The following AK1 variants were observed in gnomAD, a reference collection of about 807,000 sequenced individuals.
The protein encoded by AK1 is adenylate kinase 1.
A neutral mutation model predicts 23.9 loss-of-function variants in AK1; 13 were observed. The observed-to-expected ratio is 0.54, with a 90% confidence interval of 0.35 to 0.86. The LOEUF is 0.86. Ranked by LOEUF, AK1 falls within the 40% of genes least tolerant of loss-of-function variation. The pLI, the probability that AK1 is intolerant of heterozygous loss-of-function variation, is 0.01. For missense variants in AK1, 214 were observed against 255.1 expected, an observed-to-expected ratio of 0.84 and a Z score of 1.10; for synonymous variants, 97 against 102.8, an observed-to-expected ratio of 0.94 and a Z score of 0.34.
rs957418060 is a variant in AK1 at position 127,873,154 on chromosome 9, G to A, written c.8-93C>T. ...GTCCCAGGCCTGTGCTGGGCCCCAG[G>A]CGGAGGGACAGACACCGCTGGCGCT... On this transcript the variant is annotated intron_variant, in intron 2 of 6. Transcript: ENST00000644144. The A allele has an allele frequency of 3.2e-6, 5 of 1,560,870 alleles. No individual in the cohort carries two copies. The African/African-American group carries it at 4.1e-5, about 13-fold the overall frequency.
rs1353203705 is a variant in AK1 at position 127,867,768 on chromosome 9, C to T, written c.*240G>A. The stretch of plus-strand genomic sequence containing the variant: ...GAACGGAGGGTTGAGGGGCTGGGGA[C>T]TTGCGGCCAGGTAGGCACAAGCACA... On this transcript the variant is annotated 3_prime_UTR_variant, in exon 7 of 7. Coordinates refer to ENST00000644144, the MANE Select transcript of AK1 (RefSeq NM_000476.3). The T allele has an allele frequency of 3.5e-5, 18 of 508,348 alleles. No individual in the cohort carries two copies. Among genetic ancestry groups the T allele is most frequent in the Non-Finnish European group, 6.5e-5 (18 of 278,854 alleles). The allele number at this position is 508,348 out of a possible 1,614,324, so 31.5% of individuals were successfully genotyped here.
At position 127,872,670 on chromosome 9, in the gene AK1, C is replaced by A; in HGVS notation, c.207+20G>T. The A allele has an allele frequency of 1.2e-6, 2 of 1,613,724 alleles. No individual in the cohort carries two copies. Among genetic ancestry groups the A allele is most frequent in the South Asian group, 2.2e-5 (2 of 91,068 alleles). On this transcript the variant is annotated intron_variant, in intron 4 of 6. Transcript: ENST00000644144. ...GGCTACTGTCATCCCCTGCCTCTCA[C>A]CCCACCAGGGCCCACTCACCAGTGG...
Position 127,868,460 on chromosome 9 carries a change from G to T in AK1, c.377C>A (p.Thr126Asn), listed in dbSNP as rs1166477539. ...LYVDAGPETM[T>N]QRLLKRGETS... ...CTCTCCACGTTTCAAGAGCCGCTGG[G>T]TCATGGTCTCAGGGCCTGCGTCCAC... Residue 126 changes from threonine to asparagine, a missense_variant, in exon 6 of 7, where the codon ACC (threonine) becomes AAC (asparagine). Transcript: ENST00000644144. This position sits in a 1 kb window ranked among gnomAD's most constrained non-coding sequence, Gnocchi z 4.1. The T allele has an allele frequency of 1.9e-6, 3 of 1,607,864 alleles. No individual in the cohort carries two copies. Among genetic ancestry groups the T allele is most frequent in the Non-Finnish European group, 2.5e-6 (3 of 1,177,236 alleles).
At chr9:127,873,089 T>G in intron 2 of AK1, 28 bp from the exon 3 acceptor site, 1 of 1,610,248 alleles carries the variant, frequency 6.2e-7, no homozygotes, top group South Asian at 1.1e-5. Flanking sequence ...GGAGCAGGGC[T>G]CAGTCACTCG....
In AK1 at chr9:127,871,497, G is replaced by A. The variant is rs1434865904; in HGVS notation, c.324+326C>T. On this transcript the variant is annotated intron_variant, in intron 5 of 6. Transcript: ENST00000644144. This position sits in a 1 kb window ranked among gnomAD's most constrained non-coding sequence, Gnocchi z 4.4. ...AGTCCCCACACTGTCCCTTAAGGCAGCTGTGACCTGGTCCTCCCACTCCCT... is the reference window on the plus strand; with the variant it reads ...AGTCCCCACACTGTCCCTTAAGGCAACTGTGACCTGGTCCTCCCACTCCCT... Among the ~76,000 whole-genome samples the A allele has an allele frequency of 1.3e-5, 2 of 151,490 alleles. No individual in the cohort carries two copies. The highest frequency in any genetic ancestry group is 2.9e-5 in the Non-Finnish European group (2 of 68,018).
At chr9:127,872,642 C>G (rs1025786060) in intron 4 of AK1, 48 bp downstream of exon 4, 1 of 1,611,408 alleles carries the variant, frequency 6.2e-7, no homozygotes, top group Non-Finnish European at 8.5e-7. Flanking sequence ...GACACCCACT[C>G]AGGGCTACTG....
Position 127,874,228 on chromosome 9 carries a change from T to C in AK1, c.7+383A>G, listed in dbSNP as rs957753337. On this transcript the variant is annotated intron_variant, in intron 2 of 6. Transcript: ENST00000644144. ...GGAACTAGGAGGGTCCAAGACTTCCTCAAGGCCCACCCTCACTGGATGATA... is the reference window on the plus strand; with the variant it reads ...GGAACTAGGAGGGTCCAAGACTTCCCCAAGGCCCACCCTCACTGGATGATA... The C allele has an allele frequency of 6.1e-6, 6 of 985,226 alleles. No homozygotes were observed. The Admixed American group carries it at 3.7e-4, about 61-fold the overall frequency. 61.0% of individuals were successfully genotyped at this position (985,226 alleles called of 1,614,324 possible). A position where few individuals can be genotyped will look rare whatever the true frequency, so the allele number is the denominator to read the frequency against.
intron 1 of AK1, 46 bp from the exon 2 acceptor site, chr9:127,874,695 C>G: frequency 6.3e-7 from 1 of 1,586,742 alleles, no homozygotes; most frequent in Non-Finnish European, 8.6e-7. Context: ...CCTCCTCACC[C>G]TGACTCACCT....
In AK1 at chr9:127,867,006, T is replaced by A. The variant is rs1422285120; in HGVS notation, c.*1002A>T. ...TGACCATGACTCCCCCAATTCAATT[T>A]CTTTTTTTTTTTTTTTTTTTTTGAG... is the stretch of plus-strand genomic sequence containing the variant. On this transcript the variant is annotated 3_prime_UTR_variant, in exon 7 of 7. Transcript: ENST00000644144. The A allele has an allele frequency of 2.1e-5, 3 of 146,246 alleles. No individual in the cohort carries two copies. 9.1% of individuals were successfully genotyped at this position (146,246 alleles called of 1,614,324 possible). A position where few individuals can be genotyped will look rare whatever the true frequency, so the allele number is the denominator to read the frequency against.
At chr9:127,874,127 G>A in intron 2 of AK1, 7 of 985,448 alleles carry the variant, frequency 7.1e-6, no homozygotes, top group Non-Finnish European at 8.4e-6. Context: ...TGGACGGATG[G>A]TGCTGCCAGC....
rs528625598 is a variant in AK1, at chr9:127,867,597, G to A, written c.*411C>T. On this transcript the variant is annotated 3_prime_UTR_variant, in exon 7 of 7. Coordinates refer to ENST00000644144, the MANE Select transcript of AK1 (RefSeq NM_000476.3). ...ATGCAGAGGAGCCCAGGCTGGGACC[G>A]GTTCTGCCTGAACATGAGCCCCTCG... The A allele has an allele frequency of 1.5e-4, 40 of 263,848 alleles. No homozygotes were observed. Among genetic ancestry groups the A allele is most frequent in the Non-Finnish European group, 2.8e-4 (38 of 133,814 alleles). The allele number at this position is 263,848 out of a possible 1,614,324, so 16.3% of individuals were successfully genotyped here.
chr9:127,868,450 G>C lies in AK1; in HGVS notation c.387C>G (p.Leu129=), dbSNP rs1250521819. 1 of 1,609,606 alleles carries C rather than the reference G, an allele frequency of 6.2e-7. No individual in the cohort carries two copies. The highest frequency in any genetic ancestry group is 2.2e-5 in the East Asian group (1 of 44,772). The change falls in exon 6 of 7, where the codon CTC becomes CTG. Residue 129 remains leucine (L), a synonymous_variant. Transcript: ENST00000644144. The surrounding 1 kb of genome is among the most constrained non-coding windows in gnomAD (Gnocchi z 4.1). ...GCCCGCTGGTCTCTCCACGTTTCAA[G>C]AGCCGCTGGGTCATGGTCTCAGGGC... ...DAGPETMTQR[L]LKRGETSGRV...
chr9:127,873,250 G>C, intron 2 of AK1, 189 bp from the exon 3 acceptor site: 2 of 1,535,420 alleles, frequency 1.3e-6, no homozygotes, highest in Non-Finnish European at 1.7e-6. Context: ...GCCTGGGAGA[G>C]GTCAGGGAAG....
At chr9:127,873,425 GT>G in intron 2 of AK1, 1 of 1,564,734 alleles carries the variant, frequency 6.4e-7, no homozygotes. Context: ...CTCTGCGGGG[GT>G]CACTCGAGGA....
At chr9:127,875,956 A>G (rs1389249335) in intron 1 of AK1, among the ~76,000 whole-genome samples, 1 of 152,206 alleles carries the variant, frequency 6.6e-6, no homozygotes, top group African/African-American at 2.4e-5. Context: ...TTTCTCTGGC[A>G]AGTATCAGAC....
Position 127,873,014 on chromosome 9 carries a change from C to T in AK1, c.43+12G>A, listed in dbSNP as rs1199307837. 1 of 1,614,110 alleles carries T rather than the reference C, an allele frequency of 6.2e-7. No individual in the cohort carries two copies. Among genetic ancestry groups the T allele is most frequent in the Non-Finnish European group, 8.5e-7 (1 of 1,179,982 alleles). On this transcript the variant is annotated intron_variant, in intron 3 of 6. Coordinates refer to ENST00000644144, the MANE Select transcript of AK1 (RefSeq NM_000476.3). ...AGACCCTTGCTGCACCACCCGCCTG[C>T]CCGCAACTCACCCACCACAAAGATG...
In AK1 at chr9:127,872,789, G is replaced by T; in HGVS notation, c.108C>A (p.His36Gln). 2.5e-6 allele frequency: 4 copies of T among 1,614,100 alleles called. No homozygotes were observed. Among genetic ancestry groups the T allele is most frequent in the Non-Finnish European group, 3.4e-6 (4 of 1,180,022 alleles). The part of the protein sequence containing the change: ...EKIVQKYGYT[H>Q]LSTGDLLRSE... The stretch of plus-strand genomic sequence containing the variant: ...ACCGCAGGAGGTCCCCGGTGGAGAG[G>T]TGGGTGTAGCCATACTTCTGCACGA... Residue 36 changes from histidine (H) to glutamine (Q), a missense_variant, in exon 4 of 7, where the codon CAC (histidine) becomes CAA (glutamine). Coordinates refer to ENST00000644144, the MANE Select transcript of AK1 (RefSeq NM_000476.3).
At position 127,877,319 on chromosome 9, in the gene AK1, T is replaced by C. The variant is rs1829563526; in HGVS notation, c.-33+304A>G. On this transcript the variant is annotated intron_variant, in intron 1 of 6. Coordinates refer to ENST00000644144, the MANE Select transcript of AK1 (RefSeq NM_000476.3). The surrounding 1 kb of genome is among the most constrained non-coding windows in gnomAD (Gnocchi z 5.2). ...CCAAGCTGGGACATGCCAAGGGCAG[T>C]GACCTGGAGCCCCGGGAGTGCCAGC... is the stretch of plus-strand genomic sequence containing the variant. Among the ~76,000 whole-genome samples the C allele has an allele frequency of 6.6e-6, 1 of 151,862 alleles. No individual in the cohort carries two copies. The highest frequency in any genetic ancestry group is 2.4e-5 in the African/African-American group (1 of 41,304).
chr9:127,869,058 G>A (rs1829322277), intron 5 of AK1, among the ~76,000 whole-genome samples: 1 of 152,178 alleles, frequency 6.6e-6, no homozygotes, highest in Non-Finnish European at 1.5e-5. Flanking sequence ...GGGGTCCTTT[G>A]ACAAAGGAAC....
Sources: allele counts gnomAD v4.1 joint callset (sites outside exome capture counted in the v4.1 genomes callset), GRCh38; gene constraint gnomAD v4.1.1; non-coding constraint Gnocchi (gnomAD v3.1); transcripts MANE v1.5; gene names NCBI Gene and HGNC (gene_info 2026-07-23, HGNC 2026-07-21).